SORCS1: variants seen among roughly 807,000 people sequenced by gnomAD.
SORCS1 encodes sortilin related VPS10 domain containing receptor 1.
In SORCS1, 60 loss-of-function variants were observed where a neutral mutation model predicts 146.1. The observed-to-expected ratio is 0.41, with a 90% confidence interval of 0.33 to 0.51. SORCS1 has a LOEUF of 0.51. Among genes scored for constraint, SORCS1 ranks in the 20% least tolerant of loss-of-function variants. The pLI is 0.21. For synonymous variants in SORCS1, 637 were observed against 584.0 expected (o/e 1.09, Z -1.31); for missense variants, 1,352 against 1,487.6 (o/e 0.91, Z 1.50).
At chr10:107,043,103 AG>A (rs915059927) in intron 1 of SORCS1, among the ~76,000 whole-genome samples, 31 of 152,342 alleles carry the variant, frequency 2.0e-4, no homozygotes, top group African/African-American at 7.2e-4. Context: ...TTTTGTCAGA[AG>A]GAAAAAAATA....
intron 18 of SORCS1, among the ~76,000 whole-genome samples, chr10:106,650,943 G>A (rs150471206): frequency 1.3e-4 from 20 of 151,818 alleles, no homozygotes; most frequent in Admixed American, 1.3e-3. Flanking sequence ...TTTACTGCAG[G>A]CTAATCTGTC....
Position 106,895,601 on chromosome 10 carries a change from ACT to A in SORCS1, c.626+60910_626+60911del, listed in dbSNP as rs547859944. Among the ~76,000 whole-genome samples, 21 of 152,200 alleles carry A rather than the reference ACT, an allele frequency of 1.4e-4. No homozygotes were observed. The South Asian group carries it at 4.0e-3, about 29-fold the overall frequency. On this transcript the variant is annotated intron_variant, in intron 2 of 25. Transcript: ENST00000263054. ...ACTCCAGCCTGGGAGACACAGTAAG[ACT>A]CTGTCTCAAAAATACTACTACTAAT...
At chr10:106,651,555 AT>A (rs1564819096) in intron 18 of SORCS1, among the ~76,000 whole-genome samples, 2 of 152,204 alleles carry the variant, frequency 1.3e-5, no homozygotes, top group African/African-American at 4.8e-5. Flanking sequence ...TTGGAAGTCA[AT>A]GTTATGTATT....
At position 106,774,820 on chromosome 10, in the gene SORCS1, T is replaced by C. The variant is rs529936533; in HGVS notation, c.885+1714A>G. On this transcript the variant is annotated intron_variant, in intron 4 of 25. Transcript: ENST00000263054. ...TATCTCCAGATGGATAGAATATTGT[T>C]ATTTTATATCAACACTGTATCATGC... Among the ~76,000 whole-genome samples the C allele has an allele frequency of 6.6e-5, 10 of 152,350 alleles. No homozygotes were observed. In the South Asian group the frequency reaches 2.1e-3, roughly 32 times the overall value.
chr10:106,895,830 T>C (rs1476342677), intron 2 of SORCS1, among the ~76,000 whole-genome samples: 4 of 152,184 alleles, frequency 2.6e-5, no homozygotes, highest in African/African-American at 9.7e-5. Context: ...TGCCCACGTT[T>C]ATAGCAACAA....
rs1160561733 is a variant in SORCS1 at position 106,575,222 on chromosome 10, G to A, written c.*2198C>T. ...GCCTGGCAGGTTGGGGATCAATTGA[G>A]TTCTACAAATAGGTGACTGCCTCAG... is the stretch of plus-strand genomic sequence containing the variant. On this transcript the variant is annotated 3_prime_UTR_variant, in exon 26 of 26. Transcript: ENST00000263054. 1 of 152,628 alleles carries A rather than the reference G, an allele frequency of 6.6e-6. No homozygotes were observed. The highest frequency in any genetic ancestry group is 2.4e-5 in the African/African-American group (1 of 41,452). The allele number at this position is 152,628 out of a possible 1,614,324, so 9.5% of individuals were successfully genotyped here.
chr10:106,804,152 A>G (rs1047832772), intron 3 of SORCS1, among the ~76,000 whole-genome samples: 4 of 152,082 alleles, frequency 2.6e-5, no homozygotes, highest in Middle Eastern at 3.2e-3. Flanking sequence ...ATCAAAGAAA[A>G]TCTCTTCATT....
chr10:106,656,030 T>G (rs2135308420), intron 17 of SORCS1, among the ~76,000 whole-genome samples: 1 of 152,338 alleles, frequency 6.6e-6, no homozygotes, highest in African/African-American at 2.4e-5. Context: ...AGAAAAGTGC[T>G]TTGTAATGGC....
At chr10:107,023,896 G>T (rs1799994049) in intron 1 of SORCS1, among the ~76,000 whole-genome samples, 1 of 152,016 alleles carries the variant, frequency 6.6e-6, no homozygotes, top group African/African-American at 2.4e-5. Flanking sequence ...GAAACAAAAA[G>T]AAAAGAAATA....
At position 107,014,302 on chromosome 10, in the gene SORCS1, G is replaced by A. The variant is rs558306095; in HGVS notation, c.559-57722C>T. Reference sequence around the variant, plus strand: ...AGAAAAAAAGAGAGAGAGAGAGAGAGAGAAAGAAACAAAATAGGGGAGAAG... The same window carrying A: ...AGAAAAAAAGAGAGAGAGAGAGAGAAAGAAAGAAACAAAATAGGGGAGAAG... On this transcript the variant is annotated intron_variant, in intron 1 of 25. Coordinates refer to ENST00000263054, the MANE Select transcript of SORCS1 (RefSeq NM_052918.5). Among the ~76,000 whole-genome samples the A allele has an allele frequency of 2.1e-4, 32 of 149,726 alleles. 1 individual carries two copies. The highest frequency in any genetic ancestry group is 1.6e-3 in the East Asian group (8 of 5,110).
At chr10:106,578,237 T>G (rs1564737677) in intron 25 of SORCS1, 1 of 152,186 alleles carries the variant, frequency 6.6e-6, no homozygotes, top group South Asian at 2.1e-4. Context: ...TTCATAGGTT[T>G]GTCTAGCTTC....
intron 1 of SORCS1, among the ~76,000 whole-genome samples, chr10:106,993,241 T>C (rs1019633110): frequency 6.6e-6 from 1 of 152,222 alleles, no homozygotes; most frequent in Non-Finnish European, 1.5e-5. Context: ...ACCCTACCCA[T>C]ACATGTCTTT....
At chr10:106,821,394 C>G (rs1246094564) in intron 3 of SORCS1, among the ~76,000 whole-genome samples, 1 of 152,116 alleles carries the variant, frequency 6.6e-6, no homozygotes, top group South Asian at 2.1e-4. Context: ...ATTGAGCTAG[C>G]TAAATACCTG....
chr10:106,578,765 T>A, intron 25 of SORCS1: 1 of 1,135,288 alleles, frequency 8.8e-7, no homozygotes, highest in Non-Finnish European at 1.1e-6. Flanking sequence ...CTCTGAGGCC[T>A]CTCCTTCTTA....
At chr10:106,894,814 G>T (rs1043747921) in intron 2 of SORCS1, among the ~76,000 whole-genome samples, 2 of 152,178 alleles carry the variant, frequency 1.3e-5, no homozygotes, top group Non-Finnish European at 2.9e-5. Context: ...CTAGAAGAAA[G>T]CCAGGAGTTC....
At chr10:106,924,184 G>A (rs1298713238) in intron 2 of SORCS1, among the ~76,000 whole-genome samples, 1 of 151,738 alleles carries the variant, frequency 6.6e-6, no homozygotes, top group Non-Finnish European at 1.5e-5. Flanking sequence ...AACCCGGGAG[G>A]TGGAGGTTGC....
intron 3 of SORCS1, among the ~76,000 whole-genome samples, chr10:106,786,694 A>C (rs1946069318): frequency 6.6e-6 from 1 of 152,132 alleles, no homozygotes; most frequent in Admixed American, 6.5e-5. Context: ...ACACACACAC[A>C]CAGAAGCAAG....
chr10:106,882,074 T>G (rs1950821952), intron 2 of SORCS1, among the ~76,000 whole-genome samples: 1 of 152,154 alleles, frequency 6.6e-6, no homozygotes, highest in Admixed American at 6.5e-5. Flanking sequence ...TATTTGTCAT[T>G]CCCAGCTTCA....
At chr10:106,844,636 T>C (rs1949232155) in intron 2 of SORCS1, among the ~76,000 whole-genome samples, 1 of 150,954 alleles carries the variant, frequency 6.6e-6, no homozygotes, top group Non-Finnish European at 1.5e-5. Flanking sequence ...ATTGTGCAGG[T>C]TAGTTACATA....
Sources: allele counts gnomAD v4.1 joint callset (sites outside exome capture counted in the v4.1 genomes callset), GRCh38; gene constraint gnomAD v4.1.1; transcripts MANE v1.5; gene names NCBI Gene and HGNC (gene_info 2026-07-23, HGNC 2026-07-21).